The following SESN3 variants were observed in gnomAD, a reference collection of about 807,000 sequenced individuals.
The protein encoded by SESN3 is sestrin-3.
SESN3 carries 21 observed loss-of-function variants against 55.3 expected under a neutral mutation model. That is an observed-to-expected ratio of 0.38 (90% CI 0.27 to 0.55). The LOEUF is 0.55. Ranked by LOEUF, SESN3 falls within the 20% of genes least tolerant of loss-of-function variation. SESN3 has a pLI of 0.76. For synonymous variants in SESN3, 181 were observed against 203.1 expected (o/e 0.89, Z 0.93); for missense variants, 408 against 604.3 (o/e 0.68, Z 3.41).
intron 4 of SESN3, among the ~76,000 whole-genome samples, chr11:95,188,466 T>A (rs1051622801): frequency 5.9e-5 from 9 of 151,884 alleles, no homozygotes; most frequent in African/African-American, 1.9e-4. Flanking sequence ...TTTCTGAGAA[T>A]AAAATACAAA....
At chr11:95,219,506 T>C (rs988483767) in intron 1 of SESN3, among the ~76,000 whole-genome samples, 6 of 152,126 alleles carry the variant, frequency 3.9e-5, no homozygotes, top group African/African-American at 1.4e-4. Flanking sequence ...AAATAAATAA[T>C]AACAAATATG....
chr11:95,198,531 T>C (rs939460343), intron 1 of SESN3, among the ~76,000 whole-genome samples: 2 of 152,216 alleles, frequency 1.3e-5, no homozygotes, highest in African/African-American at 4.8e-5. Flanking sequence ...ATCTTACTTT[T>C]GGGAATAAAT....
chr11:95,224,799 A>T (rs1860919703), intron 1 of SESN3, among the ~76,000 whole-genome samples: 1 of 152,222 alleles, frequency 6.6e-6, no homozygotes, highest in African/African-American at 2.4e-5. Context: ...ACTCATTTAT[A>T]AGATAATGTT....
chr11:95,216,159 T>C, intron 1 of SESN3, among the ~76,000 whole-genome samples: 1 of 146,668 alleles, frequency 6.8e-6, no homozygotes, highest in East Asian at 2.0e-4. Context: ...TGATATACAA[T>C]AGACAGCACA....
Position 95,169,035 on chromosome 11 carries a change from T to A in SESN3, c.*4220A>T, listed in dbSNP as rs953533261. 2 of 152,272 alleles carry A rather than the reference T, an allele frequency of 1.3e-5. No homozygotes were observed. The highest frequency in any genetic ancestry group is 2.9e-5 in the Non-Finnish European group (2 of 68,070). The allele number at this position is 152,272 out of a possible 1,614,324, so 9.4% of individuals were successfully genotyped here. A position where few individuals can be genotyped will look rare whatever the true frequency, so the allele number is the denominator to read the frequency against. On this transcript the variant is annotated 3_prime_UTR_variant, in exon 10 of 10. Coordinates refer to ENST00000536441, the MANE Select transcript of SESN3 (RefSeq NM_144665.4). The stretch of plus-strand genomic sequence containing the variant: ...TTCTTTGAAAACTCTTCCTTCCTCA[T>A]AGGGCTCTGCCTTGACATATACCTC...
In SESN3 at chr11:95,230,994, G is replaced by A. The variant is rs1565479417; in HGVS notation, c.-134C>T. 3.9e-6 allele frequency: 2 copies of A among 506,594 alleles called. No homozygotes were observed. Among genetic ancestry groups the A allele is most frequent in the Non-Finnish European group, 6.6e-6 (2 of 302,316 alleles). 31.4% of individuals were successfully genotyped at this position (506,594 alleles called of 1,614,324 possible). On this transcript the variant is annotated 5_prime_UTR_variant, in exon 1 of 10. Coordinates refer to ENST00000536441, the MANE Select transcript of SESN3 (RefSeq NM_144665.4). This position sits in a 1 kb window ranked among gnomAD's most constrained non-coding sequence, Gnocchi z 4.6. ...CAGCCTCCTCAAGGCGGGATGTCGG[G>A]AGGAGAGGCGACTGCCTGAAAGCTA...
chr11:95,211,776 A>T (rs1015312786), intron 1 of SESN3, among the ~76,000 whole-genome samples: 1 of 152,202 alleles, frequency 6.6e-6, no homozygotes, highest in African/African-American at 2.4e-5. Flanking sequence ...TCTCAAAAAA[A>T]AAAAGTAACT....
rs1430556919 is a variant in SESN3 at position 95,210,808 on chromosome 11, C to G, written c.79-17286G>C. 3.9e-5 allele frequency among the ~76,000 whole-genome samples: 6 copies of G among 152,038 alleles called. No individual in the cohort carries two copies. In the East Asian group the frequency reaches 9.7e-4, roughly 24 times the overall value. ...TAAAAAGTTAATTTGACAAAGTTCA[C>G]AGGCAAGATAAAGGGAATGAGAAAA... On this transcript the variant is annotated intron_variant, in intron 1 of 9. Coordinates refer to ENST00000536441, the MANE Select transcript of SESN3 (RefSeq NM_144665.4).
At chr11:95,179,988 T>A (rs913185016) in intron 6 of SESN3, among the ~76,000 whole-genome samples, 4 of 152,196 alleles carry the variant, frequency 2.6e-5, no homozygotes, top group African/African-American at 9.6e-5. Flanking sequence ...CTATCTCACT[T>A]TTTATTTTAG....
At chr11:95,212,516 T>C (rs971637382) in intron 1 of SESN3, among the ~76,000 whole-genome samples, 1 of 152,154 alleles carries the variant, frequency 6.6e-6, no homozygotes, top group African/African-American at 2.4e-5. Context: ...TAACACACAG[T>C]GCTCAGATTA....
rs1229346035 is a variant in SESN3 at position 95,166,707 on chromosome 11, T to A, written c.*6548A>T. The stretch of plus-strand genomic sequence containing the variant: ...TGCAAGTGGACCTGACAGGGTTCTT[T>A]ATAACCTTGCTGAGACTGTGTATGT... On this transcript the variant is annotated 3_prime_UTR_variant, in exon 10 of 10. Transcript: ENST00000536441. 1 of 152,228 alleles carries A rather than the reference T, an allele frequency of 6.6e-6. No individual in the cohort carries two copies. Among genetic ancestry groups the A allele is most frequent in the Admixed American group, 6.5e-5 (1 of 15,290 alleles). The allele number at this position is 152,228 out of a possible 1,614,324, so 9.4% of individuals were successfully genotyped here. A position where few individuals can be genotyped will look rare whatever the true frequency, so the allele number is the denominator to read the frequency against.
chr11:95,225,352 T>G (rs1860929465), intron 1 of SESN3, among the ~76,000 whole-genome samples: 1 of 152,180 alleles, frequency 6.6e-6, no homozygotes, highest in African/African-American at 2.4e-5. Flanking sequence ...AAACAACTGT[T>G]AGAGAGATAA....
At chr11:95,232,043 A>C (rs1861080996), upstream of SESN3, 1 of 152,174 alleles carries the variant, frequency 6.6e-6, no homozygotes, top group Admixed American at 6.5e-5. Flanking sequence ...TTGTTTTCTC[A>C]CCCAAAAGAC....
At chr11:95,226,107 G>T (rs989307120) in intron 1 of SESN3, among the ~76,000 whole-genome samples, 1 of 150,938 alleles carries the variant, frequency 6.6e-6, no homozygotes, top group African/African-American at 2.4e-5. Context: ...TAATTAAACA[G>T]GACAGAAAAG....
intron 1 of SESN3, among the ~76,000 whole-genome samples, chr11:95,216,079 C>CA (rs1173959529): frequency 8.3e-6 from 1 of 120,324 alleles, no homozygotes; most frequent in Non-Finnish European, 1.6e-5. Context: ...GCCTGGGCAA[C>CA]AGAGAGAGAC....
intron 4 of SESN3, among the ~76,000 whole-genome samples, chr11:95,189,355 T>G (rs1277942822): frequency 6.6e-6 from 1 of 151,976 alleles, no homozygotes; most frequent in Non-Finnish European, 1.5e-5. Flanking sequence ...TTTTTGAGAA[T>G]CTAAAACTTA....
intron 3 of SESN3, among the ~76,000 whole-genome samples, chr11:95,190,547 A>G (rs560388640): frequency 6.6e-6 from 1 of 151,770 alleles, no homozygotes; most frequent in East Asian, 1.9e-4. Flanking sequence ...TCTACATCTT[A>G]TTTCTCCACA....
intron 1 of SESN3, among the ~76,000 whole-genome samples, chr11:95,194,899 A>G (rs1006158846): frequency 5.9e-5 from 9 of 152,106 alleles, no homozygotes; most frequent in African/African-American, 2.2e-4. Context: ...ACTCCAGCCC[A>G]GGTGACAGAG....
chr11:95,175,468 T>C (rs1160771255), intron 9 of SESN3, 30 bp downstream of exon 9: 1 of 1,581,556 alleles, frequency 6.3e-7, no homozygotes, highest in South Asian at 1.1e-5. Context: ...GAACTGTCTA[T>C]GGTATAATGC....
Sources: allele counts gnomAD v4.1 joint callset (sites outside exome capture counted in the v4.1 genomes callset), GRCh38; gene constraint gnomAD v4.1.1; non-coding constraint Gnocchi (gnomAD v3.1); transcripts MANE v1.5; gene names NCBI Gene and HGNC (gene_info 2026-07-23, HGNC 2026-07-21).